MAML2: variants seen among roughly 807,000 people sequenced by gnomAD.
The protein encoded by MAML2 is mastermind like transcriptional coactivator 2.
MAML2 carries 22 observed loss-of-function variants against 96.1 expected under a neutral mutation model. The ratio of observed to expected loss-of-function variants is 0.23; its 90% CI spans 0.16 to 0.33. The LOEUF is 0.33. Ranked by LOEUF, MAML2 falls within the 10% of genes least tolerant of loss-of-function variation. The pLI, the probability that MAML2 is intolerant of heterozygous loss-of-function variation, is 1.00. For synonymous variants in MAML2, 561 were observed against 521.3 expected (o/e 1.08, Z -1.04); for missense variants, 1,367 against 1,392.4 (o/e 0.98, Z 0.29).
intron 1 of MAML2, among the ~76,000 whole-genome samples, chr11:96,129,409 G>C (rs1860507500): frequency 6.6e-6 from 1 of 152,192 alleles, no homozygotes; most frequent in Admixed American, 6.5e-5. Context: ...AAGTTTCCAT[G>C]TGATGCTGAT....
At chr11:96,088,441 G>A (rs1382145273) in intron 2 of MAML2, among the ~76,000 whole-genome samples, 2 of 152,162 alleles carry the variant, frequency 1.3e-5, no homozygotes, top group Non-Finnish European at 2.9e-5. Flanking sequence ...ACCCTCATGA[G>A]CCCTGATCAG....
At chr11:96,104,695 C>T (rs967128881) in intron 1 of MAML2, among the ~76,000 whole-genome samples, 3 of 152,148 alleles carry the variant, frequency 2.0e-5, no homozygotes, top group Non-Finnish European at 2.9e-5. Flanking sequence ...ATATTGTAGT[C>T]ATTCTCAGCC....
At chr11:96,278,397 T>A (rs1863019080) in intron 1 of MAML2, among the ~76,000 whole-genome samples, 1 of 152,220 alleles carries the variant, frequency 6.6e-6, no homozygotes, top group Non-Finnish European at 1.5e-5. Context: ...TGGTGGTCAC[T>A]GCCCTAAGCC....
chr11:96,314,258 G>A (rs1038785696), intron 1 of MAML2, among the ~76,000 whole-genome samples: 2 of 152,226 alleles, frequency 1.3e-5, no homozygotes, highest in African/African-American at 2.4e-5. Context: ...CTCTTGGCCT[G>A]TGCCCCCTGA....
Position 96,092,601 on chromosome 11 carries a change from T to A in MAML2, c.1430A>T (p.Gln477Leu), listed in dbSNP as rs573621336. The change falls in exon 2 of 5, where the codon CAG becomes CTG. Residue 477 changes from glutamine to leucine, a missense_variant. Gln to Leu is a moderately radical substitution (Grantham distance 113). Coordinates refer to ENST00000524717, the MANE Select transcript of MAML2 (RefSeq NM_032427.4). The surrounding 1 kb of genome is among the most constrained non-coding windows in gnomAD (Gnocchi z 4.1). ...SAGPSPGPFG[Q>L]EKIPSPSFGQ... ...AAAAGAAGGGCTGGGGATTTTCTCC[T>A]GCCCAAATGGACCTGGTGATGGTCC... 5.0e-6 allele frequency: 8 copies of A among 1,611,440 alleles called. No homozygotes were observed. In the African/African-American group the frequency reaches 9.3e-5, roughly 19 times the overall value.
intron 1 of MAML2, among the ~76,000 whole-genome samples, chr11:96,186,542 T>C (rs1861578392): frequency 1.3e-5 from 2 of 152,140 alleles, no homozygotes; most frequent in South Asian, 4.1e-4. Flanking sequence ...TGAGCTGAGA[T>C]TGTGCCATTG....
At chr11:96,253,160 T>C (rs2135968145) in intron 1 of MAML2, among the ~76,000 whole-genome samples, 1 of 152,312 alleles carries the variant, frequency 6.6e-6, no homozygotes, top group Non-Finnish European at 1.5e-5. Context: ...TTTTGCATCA[T>C]ATGTAAATAG....
intron 1 of MAML2, among the ~76,000 whole-genome samples, chr11:96,106,291 C>T (rs1477355217): frequency 6.6e-6 from 1 of 152,166 alleles, no homozygotes; most frequent in Non-Finnish European, 1.5e-5. Flanking sequence ...AAACTTTTGG[C>T]AGGTCAAAAT....
At position 96,208,665 on chromosome 11, in the gene MAML2, A is replaced by AC. The variant is rs1257802574; in HGVS notation, c.514-115149dup. On this transcript the variant is annotated intron_variant, in intron 1 of 4. Transcript: ENST00000524717. ...TAATATGACAAAATAAAGTTCTTTAACACCCCCCAAAGATAACACTAGTTC... is the reference window on the plus strand; with the variant it reads ...TAATATGACAAAATAAAGTTCTTTAACCACCCCCCAAAGATAACACTAGTTC... 2.0e-5 allele frequency among the ~76,000 whole-genome samples: 3 copies of AC among 152,326 alleles called. No individual in the cohort carries two copies. The East Asian group carries it at 5.8e-4, about 29-fold the overall frequency.
intron 1 of MAML2, among the ~76,000 whole-genome samples, chr11:96,305,555 A>T (rs1239977944): frequency 6.6e-6 from 1 of 152,214 alleles, no homozygotes; most frequent in African/African-American, 2.4e-5. Context: ...ATGAGACAGG[A>T]TGTATTCTAT....
At chr11:96,163,696 A>G (rs544484473) in intron 1 of MAML2, among the ~76,000 whole-genome samples, 9 of 152,308 alleles carry the variant, frequency 5.9e-5, no homozygotes, top group Admixed American at 3.3e-4. Flanking sequence ...AGGTTGTCCA[A>G]ACCTTTGGTA....
chr11:96,186,327 C>T (rs1030535116), intron 1 of MAML2, among the ~76,000 whole-genome samples: 6 of 152,200 alleles, frequency 3.9e-5, no homozygotes, highest in African/African-American at 9.6e-5. Flanking sequence ...CAGTGGCTCA[C>T]GCCTGTAATC....
At chr11:96,233,973 G>A (rs898907870) in intron 1 of MAML2, among the ~76,000 whole-genome samples, 4 of 152,164 alleles carry the variant, frequency 2.6e-5, no homozygotes, top group Admixed American at 1.3e-4. Context: ...TCCATTTCTT[G>A]CCTCAGTCAG....
intron 2 of MAML2, among the ~76,000 whole-genome samples, chr11:96,001,634 C>A (rs1003877136): frequency 1.9e-4 from 17 of 89,192 alleles, no homozygotes; most frequent in Admixed American, 5.7e-4. Flanking sequence ...GAGAACTCAA[C>A]CCCCCCTCAC....
At chr11:96,283,485 T>C (rs1863098521) in intron 1 of MAML2, among the ~76,000 whole-genome samples, 1 of 152,234 alleles carries the variant, frequency 6.6e-6, no homozygotes, top group African/African-American at 2.4e-5. Flanking sequence ...CTACAATCTT[T>C]TTCTCCAAAA....
chr11:96,186,514 G>C (rs765999746), intron 1 of MAML2, among the ~76,000 whole-genome samples: 1 of 152,178 alleles, frequency 6.6e-6, no homozygotes, highest in South Asian at 2.1e-4. Flanking sequence ...TCTTGAACCC[G>C]GGAGGTGGAG....
chr11:96,335,980 C>A (rs1250727531), intron 1 of MAML2, among the ~76,000 whole-genome samples: 2 of 152,184 alleles, frequency 1.3e-5, no homozygotes, highest in Non-Finnish European at 2.9e-5. Flanking sequence ...ATATTTGAAT[C>A]TCTCTACTAC....
In MAML2 at chr11:96,319,648, T is replaced by C. The variant is rs191638525; in HGVS notation, c.513+21735A>G. On this transcript the variant is annotated intron_variant, in intron 1 of 4. Transcript: ENST00000524717. ...TCATTGAATTAGTTATGCACAGATATAGGTACAATAGGGCCCAGATGTGAT... is the reference window on the plus strand; with the variant it reads ...TCATTGAATTAGTTATGCACAGATACAGGTACAATAGGGCCCAGATGTGAT... Among the ~76,000 whole-genome samples the C allele has an allele frequency of 1.9e-3, 294 of 152,272 alleles. 1 individual carries two copies. The highest frequency in any genetic ancestry group is 6.9e-3 in the African/African-American group (285 of 41,550).
At chr11:96,294,284 C>G (rs1045024809) in intron 1 of MAML2, among the ~76,000 whole-genome samples, 1 of 150,350 alleles carries the variant, frequency 6.7e-6, no homozygotes, top group African/African-American at 2.5e-5. Flanking sequence ...CCTTTAGAAA[C>G]AAGAATGTTC....
Sources: allele counts gnomAD v4.1 joint callset (sites outside exome capture counted in the v4.1 genomes callset), GRCh38; gene constraint gnomAD v4.1.1; non-coding constraint Gnocchi (gnomAD v3.1); transcripts MANE v1.5; gene names NCBI Gene and HGNC (gene_info 2026-07-23, HGNC 2026-07-21).